LPL: variants seen among roughly 807,000 people sequenced by gnomAD.
The protein encoded by LPL is lipoprotein lipase.
In LPL, 43 loss-of-function variants were observed where a neutral mutation model predicts 52.2. That is an observed-to-expected ratio of 0.82 (90% CI 0.64 to 1.06). LPL has a LOEUF of 1.06. LPL is among the 50% of genes least tolerant of loss of function. The pLI, the probability that LPL is intolerant of heterozygous loss-of-function variation, is 0.00. For synonymous variants in LPL, 244 were observed against 215.6 expected (o/e 1.13, Z -1.15); for missense variants, 639 against 585.3 (o/e 1.09, Z -0.95).
intron 1 of LPL, 67 bp from the exon 2 acceptor site, chr8:19,948,113 A>C (rs1265103280): frequency 6.5e-7 from 1 of 1,535,272 alleles, no homozygotes; most frequent in South Asian, 1.1e-5. Context: ...AACCTAAAAC[A>C]TATCATTCCA....
At chr8:19,953,968 A>T (rs968778487) in intron 4 of LPL, 152 bp from the exon 5 acceptor site, 8 of 687,172 alleles carry the variant, frequency 1.2e-5, no homozygotes, top group Non-Finnish European at 1.8e-5. Flanking sequence ...GCCTCCTTTT[A>T]TGTCTCTCTA....
chr8:19,948,203 G>C lies in LPL; in HGVS notation c.112G>C (p.Glu38Gln). ...AGAAAGAAGAGATTTTATCGACATC[G>C]AAAGTAAATTTGCCCTAAGGACCCC... is the stretch of plus-strand genomic sequence containing the variant. Reference protein sequence around the residue: ...ADQRRDFIDIESKFALRTPED... With the variant: ...ADQRRDFIDIQSKFALRTPED... Residue 38 changes from glutamate (E) to glutamine (Q), a missense_variant, in exon 2 of 10, where the codon GAA becomes CAA. Transcript: ENST00000650287. 1.2e-6 allele frequency: 2 copies of C among 1,614,060 alleles called. No individual in the cohort carries two copies. Among genetic ancestry groups the C allele is most frequent in the South Asian group, 1.1e-5 (1 of 91,066 alleles).
rs563712226 is a variant in LPL at position 19,948,702 on chromosome 8, C to T, written c.249+362C>T. ...ATCACCCAGCACATTGCCAGGAGAA[C>T]CTTTCTAAAGAAGACAGCATGGAAG... On this transcript the variant is annotated intron_variant, in intron 2 of 9. Transcript: ENST00000650287. Among the ~76,000 whole-genome samples, 359 of 152,182 alleles carry T rather than the reference C, an allele frequency of 2.4e-3. 1 individual carries two copies. Among genetic ancestry groups the T allele is most frequent in the African/African-American group, 8.3e-3 (344 of 41,528 alleles).
chr8:19,940,690 C>A (rs373316148), intron 1 of LPL, among the ~76,000 whole-genome samples: 1 of 152,224 alleles, frequency 6.6e-6, no homozygotes, highest in Admixed American at 6.5e-5. Context: ...TCAGGCGGCA[C>A]GTCCCCAGCG....
intron 1 of LPL, among the ~76,000 whole-genome samples, chr8:19,947,906 C>CAT (rs2069896048): frequency 6.6e-6 from 1 of 152,148 alleles, no homozygotes; most frequent in Non-Finnish European, 1.5e-5. Flanking sequence ...CGTACACACA[C>CAT]ATACCCTGAC....
chr8:19,956,181 G>A (rs2069984183), intron 6 of LPL, 98 bp downstream of exon 6: 1 of 1,530,212 alleles, frequency 6.5e-7, no homozygotes, highest in Non-Finnish European at 9.0e-7. Flanking sequence ...GAACAGAGAT[G>A]ATGACTGGTG....
At chr8:19,956,142 T>C in intron 6 of LPL, 59 bp downstream of exon 6, 1 of 1,604,210 alleles carries the variant, frequency 6.2e-7, no homozygotes, top group Middle Eastern at 1.7e-4. Flanking sequence ...TCATGCTCAC[T>C]GCATCACATG....
chr8:19,949,812 G>A (rs1446705239), intron 2 of LPL, among the ~76,000 whole-genome samples: 1 of 152,208 alleles, frequency 6.6e-6, no homozygotes, highest in Admixed American at 6.5e-5. Context: ...AGGCCCTTTG[G>A]TTATATACAG....
At chr8:19,948,089 G>A (rs981093940) in intron 1 of LPL, 91 bp from the exon 2 acceptor site, 64 of 1,330,862 alleles carry the variant, frequency 4.8e-5, no homozygotes, top group Middle Eastern at 1.8e-4. Context: ...TAGCATCAGC[G>A]GTGGTTGCCT....
At chr8:19,948,975 A>G (rs1590139798) in intron 2 of LPL, among the ~76,000 whole-genome samples, 3 of 152,006 alleles carry the variant, frequency 2.0e-5, no homozygotes, top group East Asian at 3.9e-4. Flanking sequence ...ACATGCTGAC[A>G]TGCCAGATGA....
At chr8:19,957,407 G>A (rs778970901) in intron 6 of LPL, among the ~76,000 whole-genome samples, 20 of 152,294 alleles carry the variant, frequency 1.3e-4, no homozygotes, top group African/African-American at 3.8e-4. Flanking sequence ...GGTGTCTTTC[G>A]TGGTATAGAG....
At chr8:19,943,512 A>G (rs918718278) in intron 1 of LPL, among the ~76,000 whole-genome samples, 12 of 152,190 alleles carry the variant, frequency 7.9e-5, no homozygotes, top group Non-Finnish European at 1.0e-4. Flanking sequence ...GTAATCATGG[A>G]CTTTCATTGT....
In LPL at chr8:19,959,360, T is replaced by G; in HGVS notation, c.1119T>G (p.Ser373Arg). The change falls in exon 7 of 10, where the codon AGT becomes AGG. Residue 373 changes from serine (S) to arginine (R), a missense_variant. Coordinates refer to ENST00000650287, the MANE Select transcript of LPL (RefSeq NM_000237.3). Reference sequence around the variant, plus strand: ...CTCTGTATGGCACCGTGGCCGAGAGTGAGAACATCCCATTCACTCTGTGAG... The same window carrying G: ...CTCTGTATGGCACCGTGGCCGAGAGGGAGAACATCCCATTCACTCTGTGAG... ...EISLYGTVAESENIPFTLPEV... is the reference protein window; with the variant it reads ...EISLYGTVAERENIPFTLPEV... The G allele has an allele frequency of 1.9e-6, 3 of 1,613,984 alleles. No homozygotes were observed. Among genetic ancestry groups the G allele is most frequent in the South Asian group, 2.2e-5 (2 of 91,070 alleles).
chr8:19,951,021 G>A (rs555949642), intron 2 of LPL, among the ~76,000 whole-genome samples: 2 of 152,218 alleles, frequency 1.3e-5, no homozygotes, highest in Non-Finnish European at 2.9e-5. Flanking sequence ...GAGTAAACCC[G>A]ATTTTCTTGC....
intron 8 of LPL, 120 bp downstream of exon 8, chr8:19,961,203 C>G: frequency 1.7e-6 from 1 of 584,834 alleles, no homozygotes; most frequent in Non-Finnish European, 2.6e-6. Flanking sequence ...GTATTTATTA[C>G]TGTATGATGT....
chr8:19,961,197 T>G, intron 8 of LPL, 114 bp downstream of exon 8: 1 of 867,876 alleles, frequency 1.2e-6, no homozygotes, highest in Non-Finnish European at 1.8e-6. Context: ...AACCTTGTAT[T>G]TATTACTGTA....
chr8:19,964,004 G>A lies in LPL; in HGVS notation c.*-1306G>A, dbSNP rs532862836. 9.2e-5 allele frequency among the ~76,000 whole-genome samples: 14 copies of A among 151,972 alleles called. No homozygotes were observed. The East Asian group carries it at 2.7e-3, about 29-fold the overall frequency. On this transcript the variant is annotated intron_variant, in intron 9 of 9. Coordinates refer to ENST00000650287, the MANE Select transcript of LPL (RefSeq NM_000237.3). Reference sequence around the variant, plus strand: ...TTTTGCTCTTGCTGCCCAGGCTGGAGTGTAGTGGCTCGATCTCAGCTCACT... The same window carrying A: ...TTTTGCTCTTGCTGCCCAGGCTGGAATGTAGTGGCTCGATCTCAGCTCACT...
In LPL at chr8:19,951,889, T is replaced by C. The variant is rs1372437417; in HGVS notation, c.370T>C (p.Ser124Pro). 1 of 1,614,122 alleles carries C rather than the reference T, an allele frequency of 6.2e-7. No homozygotes were observed. Among genetic ancestry groups the C allele is most frequent in the Non-Finnish European group, 8.5e-7 (1 of 1,180,028 alleles). Residue 124 changes from serine (S) to proline (P), a missense_variant, in exon 3 of 10, where the codon TCC (serine) becomes CCC (proline). Transcript: ENST00000650287. ...ACGGGCTCAGGAGCATTACCCAGTG[T>C]CCGCGGGCTACACCAAACTGGTGGG... is the stretch of plus-strand genomic sequence containing the variant. ...LSRAQEHYPV[S>P]AGYTKLVGQD...
intron 5 of LPL, among the ~76,000 whole-genome samples, 154 bp downstream of exon 5, chr8:19,954,507 C>T (rs926979747): frequency 6.6e-6 from 1 of 152,192 alleles, no homozygotes; most frequent in Admixed American, 6.5e-5. Context: ...AGCATGACCA[C>T]CTTAGAGCCA....
Sources: allele counts gnomAD v4.1 joint callset (sites outside exome capture counted in the v4.1 genomes callset), GRCh38; gene constraint gnomAD v4.1.1; transcripts MANE v1.5; gene names NCBI Gene and HGNC (gene_info 2026-07-23, HGNC 2026-07-21).